CACNA2D3: variants seen among roughly 807,000 people sequenced by gnomAD.
CACNA2D3 encodes the protein voltage-dependent calcium channel subunit alpha-2/delta-3.
Under a neutral mutation model 160.6 loss-of-function variants are expected in CACNA2D3, and 60 were observed. The ratio of observed to expected loss-of-function variants is 0.37; its 90% confidence interval spans 0.30 to 0.46. The LOEUF (loss-of-function observed/expected upper bound fraction) is 0.46, where lower values mean the gene tolerates loss of function less well. CACNA2D3 is among the 20% of genes least tolerant of loss of function. The pLI is 1.00. For synonymous variants in CACNA2D3, 558 were observed against 492.9 expected, an observed-to-expected ratio of 1.13 and a Z score of -1.75; for missense variants, 1,205 against 1,365.0, an observed-to-expected ratio of 0.88 and a Z score of 1.85.
chr3:54,775,712 G>A (rs1702413060), intron 13 of CACNA2D3, among the ~76,000 whole-genome samples: 1 of 151,912 alleles, frequency 6.6e-6, no homozygotes, highest in African/African-American at 2.4e-5. Context: ...TCATATTTCG[G>A]CCTTATTTTT....
intron 5 of CACNA2D3, among the ~76,000 whole-genome samples, chr3:54,530,536 C>T (rs571028969): frequency 8.5e-5 from 13 of 152,264 alleles, no homozygotes; most frequent in South Asian, 4.1e-4. Flanking sequence ...CTTGGCATCA[C>T]GTATCTTCAA....
At chr3:54,184,487 C>T (rs1289057303) in intron 2 of CACNA2D3, among the ~76,000 whole-genome samples, 2 of 152,184 alleles carry the variant, frequency 1.3e-5, no homozygotes, top group Admixed American at 6.5e-5. Flanking sequence ...GGGTTTGAAC[C>T]CAGGCTGTGC....
intron 27 of CACNA2D3, among the ~76,000 whole-genome samples, chr3:54,955,468 GA>G (rs148881229): frequency 6.6e-6 from 1 of 151,698 alleles, no homozygotes; most frequent in Non-Finnish European, 1.5e-5. Context: ...AAAGAAAAAA[GA>G]AAAAAAAGCT....
chr3:54,958,891 C>A (rs1286347296), intron 27 of CACNA2D3, among the ~76,000 whole-genome samples: 1 of 152,072 alleles, frequency 6.6e-6, no homozygotes, highest in Non-Finnish European at 1.5e-5. Context: ...ATTGCTTGAA[C>A]CCAGGAGTTT....
intron 27 of CACNA2D3, among the ~76,000 whole-genome samples, chr3:54,945,572 C>T (rs1701591341): frequency 6.6e-6 from 1 of 152,110 alleles, no homozygotes; most frequent in Admixed American, 6.5e-5. Flanking sequence ...TTATTAGCAC[C>T]ATAACCTGGG....
intron 2 of CACNA2D3, among the ~76,000 whole-genome samples, chr3:54,153,675 G>C (rs1700190225): frequency 6.6e-6 from 1 of 152,212 alleles, no homozygotes; most frequent in South Asian, 2.1e-4. Flanking sequence ...CTCACAAGAA[G>C]TATATTTGCA....
In CACNA2D3 at chr3:55,002,092, G is replaced by T. The variant is rs536206756; in HGVS notation, c.2691-2671G>T. 7.3e-5 allele frequency among the ~76,000 whole-genome samples: 11 copies of T among 151,542 alleles called. No individual in the cohort carries two copies. In the South Asian group the frequency reaches 1.5e-3, roughly 20 times the overall value. On this transcript the variant is annotated intron_variant, in intron 31 of 37. Transcript: ENST00000474759. ...AATCGCTTGAACCTGGGAGGCAGAG[G>T]TTGCAGTGAGCCAAGACCATGCCAT...
chr3:54,467,672 A>G lies in CACNA2D3; in HGVS notation c.382-35820A>G, dbSNP rs116319639. On this transcript the variant is annotated intron_variant, in intron 4 of 37. Coordinates refer to ENST00000474759, the MANE Select transcript of CACNA2D3 (RefSeq NM_018398.3). ...GATTTCAGTCATATATGGAATGTAA[A>G]AAGTTGTTCTCATAGAAGTAGAGGG... is the stretch of plus-strand genomic sequence containing the variant. 9.2e-3 allele frequency among the ~76,000 whole-genome samples: 1,405 copies of G among 152,300 alleles called. 21 individuals carry two copies. Among genetic ancestry groups the G allele is most frequent in the African/African-American group, 0.031 (1,270 of 41,556 alleles).
chr3:54,865,152 CAATG>C (rs1278038724), intron 17 of CACNA2D3, among the ~76,000 whole-genome samples: 1 of 152,146 alleles, frequency 6.6e-6, no homozygotes, highest in Admixed American at 6.5e-5. Context: ...TTTAGGAAAA[CAATG>C]AACCTTGAAA....
chr3:54,981,657 C>CG (rs1433177549), intron 29 of CACNA2D3, among the ~76,000 whole-genome samples: 1 of 152,174 alleles, frequency 6.6e-6, no homozygotes, highest in East Asian at 1.9e-4. Flanking sequence ...CCGTAGTGAC[C>CG]GGGCTGGCTG....
At chr3:54,557,440 A>T (rs751177528) in intron 5 of CACNA2D3, among the ~76,000 whole-genome samples, 2 of 152,218 alleles carry the variant, frequency 1.3e-5, no homozygotes, top group Non-Finnish European at 2.9e-5. Flanking sequence ...ACACCAAAGA[A>T]ACCACACTTA....
At chr3:54,839,960 A>C (rs1486433983) in intron 16 of CACNA2D3, among the ~76,000 whole-genome samples, 1 of 152,216 alleles carries the variant, frequency 6.6e-6, no homozygotes, top group Non-Finnish European at 1.5e-5. Flanking sequence ...TGAGAAACTA[A>C]AAGTCAAAGA....
chr3:54,646,927 G>A (rs1699664097), intron 11 of CACNA2D3, among the ~76,000 whole-genome samples: 1 of 152,058 alleles, frequency 6.6e-6, no homozygotes, highest in African/African-American at 2.4e-5. Flanking sequence ...CCTCCACAAG[G>A]GCAGAGAGAC....
chr3:54,918,439 C>T (rs190791581), intron 27 of CACNA2D3: 1 of 1,567,264 alleles, frequency 6.4e-7, no homozygotes, highest in Non-Finnish European at 8.7e-7. Context: ...AATGACCAAT[C>T]CTATTTGAGA....
At position 54,899,788 on chromosome 3, in the gene CACNA2D3, G is replaced by A. The variant is rs1189495439; in HGVS notation, c.2369G>A (p.Gly790Glu). The A allele has an allele frequency of 8.1e-6, 13 of 1,604,740 alleles. No homozygotes were observed. Among genetic ancestry groups the A allele is most frequent in the African/African-American group, 1.3e-5 (1 of 74,778 alleles). Reference protein sequence around the residue: ...SFVYSIPFSTGPVNKSNVVTA... With the variant: ...SFVYSIPFSTEPVNKSNVVTA... The stretch of plus-strand genomic sequence containing the variant: ...GTTGTGGTGTTTTTTCTTTTCACAG[G>A]ACCAGTCAATAAAAGCAATGTGGTG... Residue 790 changes from glycine (G) to glutamate (E), a missense_variant and splice_region_variant, in exon 27 of 38, where the codon GGA (glycine) becomes GAA (glutamate). Transcript: ENST00000474759.
chr3:54,521,789 G>A (rs1291961109), intron 5 of CACNA2D3, among the ~76,000 whole-genome samples: 1 of 152,118 alleles, frequency 6.6e-6, no homozygotes, highest in East Asian at 1.9e-4. Flanking sequence ...CTCTCCAGTT[G>A]TCTCAGCATG....
At chr3:54,365,257 C>T (rs1049686657) in intron 3 of CACNA2D3, among the ~76,000 whole-genome samples, 7 of 152,172 alleles carry the variant, frequency 4.6e-5, no homozygotes, top group African/African-American at 1.2e-4. Flanking sequence ...GGGCTCAAGA[C>T]GCTCCACTCT....
chr3:55,000,138 C>T (rs968288705), intron 31 of CACNA2D3, among the ~76,000 whole-genome samples: 1 of 152,132 alleles, frequency 6.6e-6, no homozygotes, highest in Non-Finnish European at 1.5e-5. Context: ...TTGGGCTGGG[C>T]ATGATTCTCA....
chr3:54,391,482 G>A (rs1699279274), intron 4 of CACNA2D3, among the ~76,000 whole-genome samples: 1 of 151,812 alleles, frequency 6.6e-6, no homozygotes, highest in Non-Finnish European at 1.5e-5. Context: ...GGCCTTCATT[G>A]GCGGGGTGGC....
Sources: allele counts gnomAD v4.1 joint callset (sites outside exome capture counted in the v4.1 genomes callset), GRCh38; gene constraint gnomAD v4.1.1; transcripts MANE v1.5; gene names NCBI Gene and HGNC (gene_info 2026-07-23, HGNC 2026-07-21).